Variants in SOX5 observed in about 807,000 individuals in gnomAD.
The protein encoded by SOX5 is transcription factor SOX-5.
Under a neutral mutation model 92.0 loss-of-function variants are expected in SOX5, and 9 were observed. That is an observed-to-expected ratio of 0.10 (90% confidence interval 0.06 to 0.17). The LOEUF (loss-of-function observed/expected upper bound fraction) is 0.17, where lower values mean the gene tolerates loss of function less well. Ranked by LOEUF, SOX5 falls within the 10% of genes least tolerant of loss-of-function variation. The pLI is 1.00. For missense variants in SOX5, 642 were observed against 944.5 expected, an observed-to-expected ratio of 0.68 and a Z score of 4.20; for synonymous variants, 344 against 336.3, an observed-to-expected ratio of 1.02 and a Z score of -0.25.
At chr12:24,161,192 G>T (rs985681875) in intron 4 of SOX5, among the ~76,000 whole-genome samples, 1 of 152,094 alleles carries the variant, frequency 6.6e-6, no homozygotes, top group Non-Finnish European at 1.5e-5. Flanking sequence ...TTTCCAGAGG[G>T]TCTTAAATCT....
At chr12:24,365,821 C>A (rs183833238) in intron 2 of SOX5, among the ~76,000 whole-genome samples, 1 of 151,792 alleles carries the variant, frequency 6.6e-6, no homozygotes, top group Non-Finnish European at 1.5e-5. Flanking sequence ...AAAGTGCTTA[C>A]CTTAAATAAA....
chr12:24,243,607 TC>T (rs1280401813), intron 3 of SOX5, among the ~76,000 whole-genome samples: 1 of 152,204 alleles, frequency 6.6e-6, no homozygotes, highest in Non-Finnish European at 1.5e-5. Flanking sequence ...AGATATAAAG[TC>T]ATTCTAAAAC....
At chr12:24,372,447 T>C (rs1956836155) in intron 1 of SOX5, among the ~76,000 whole-genome samples, 1 of 152,226 alleles carries the variant, frequency 6.6e-6, no homozygotes, top group African/African-American at 2.4e-5. Context: ...TTCATGTCCC[T>C]GCCAAGGACA....
intron 4 of SOX5, among the ~76,000 whole-genome samples, chr12:24,176,533 G>A (rs1026638344): frequency 6.6e-6 from 1 of 152,186 alleles, no homozygotes; most frequent in Non-Finnish European, 1.5e-5. Context: ...ACAGCCTGCT[G>A]TGGTTTAAGA....
chr12:24,390,650 T>A (rs1566051494), intron 1 of SOX5, among the ~76,000 whole-genome samples: 2 of 152,150 alleles, frequency 1.3e-5, no homozygotes. Context: ...TACCTCCCAC[T>A]TATAAATGAG....
chr12:24,287,143 G>A (rs1277689085), intron 2 of SOX5, among the ~76,000 whole-genome samples: 1 of 152,146 alleles, frequency 6.6e-6, no homozygotes, highest in Non-Finnish European at 1.5e-5. Context: ...TTAAAAGCGG[G>A]AAAAGACTGT....
intron 2 of SOX5, among the ~76,000 whole-genome samples, chr12:24,290,531 G>A (rs1946500401): frequency 6.6e-6 from 1 of 152,074 alleles, no homozygotes; most frequent in Non-Finnish European, 1.5e-5. Context: ...TAAGTAACTT[G>A]GCAAAGGCTA....
rs778722716 is a variant in SOX5, at chr12:24,039,289, CTA to C, written c.-1-143267_-1-143266del. 6.1e-4 allele frequency among the ~76,000 whole-genome samples: 93 copies of C among 151,234 alleles called. 1 individual carries two copies. In the Middle Eastern group the frequency reaches 0.024, roughly 39 times the overall value. On this transcript the variant is annotated intron_variant, in intron 4 of 4. Transcript: ENST00000446891. ...TTTTCCTGTGTCTAAGTAAGATTGGCTATGACTAAATAATTTCTCAATTGCTG... is the reference window on the plus strand; with the variant it reads ...TTTTCCTGTGTCTAAGTAAGATTGGCTGACTAAATAATTTCTCAATTGCTG...
At chr12:24,002,267 G>A (rs998067363) in intron 4 of SOX5, among the ~76,000 whole-genome samples, 17 of 151,860 alleles carry the variant, frequency 1.1e-4, no homozygotes, top group Admixed American at 3.9e-4. Context: ...TCAATGAAAC[G>A]TCAGTTGGTT....
At chr12:23,683,315 A>G (rs564291883) in intron 6 of SOX5, among the ~76,000 whole-genome samples, 1 of 151,992 alleles carries the variant, frequency 6.6e-6, no homozygotes, top group South Asian at 2.1e-4. Context: ...ATTCCATTTT[A>G]TATTTTTTAA....
At chr12:24,558,276 G>T (rs1172408096) in intron 1 of SOX5, among the ~76,000 whole-genome samples, 1 of 152,104 alleles carries the variant, frequency 6.6e-6, no homozygotes, top group Non-Finnish European at 1.5e-5. Flanking sequence ...ACTGTCAAGG[G>T]CCCATCCTGA....
chr12:23,656,193 TTTTTTC>T (rs2082283789), intron 7 of SOX5, among the ~76,000 whole-genome samples: 1 of 151,756 alleles, frequency 6.6e-6, no homozygotes, highest in Non-Finnish European at 1.5e-5. Context: ...TTGTATTTTT[TTTTTTC>T]TGATAGAATT....
intron 4 of SOX5, among the ~76,000 whole-genome samples, chr12:24,008,644 A>T (rs1205693129): frequency 6.6e-6 from 1 of 152,210 alleles, no homozygotes; most frequent in Non-Finnish European, 1.5e-5. Context: ...CTTTTGGAAA[A>T]TATATCATTT....
intron 1 of SOX5, among the ~76,000 whole-genome samples, chr12:24,424,453 G>T (rs1935041845): frequency 6.6e-6 from 1 of 151,950 alleles, no homozygotes. Context: ...ATAATTGTTA[G>T]TTTTTATGGC....
chr12:24,214,254 T>C (rs1264627631), intron 3 of SOX5, among the ~76,000 whole-genome samples: 1 of 152,040 alleles, frequency 6.6e-6, no homozygotes, highest in East Asian at 1.9e-4. Context: ...AGAAACACTC[T>C]ATAAGTAGTC....
At position 23,895,774 on chromosome 12, in the gene SOX5, T is replaced by A. The variant is rs748983592; in HGVS notation, c.270+19A>T. 3.2e-6 allele frequency: 5 copies of A among 1,565,880 alleles called. No individual in the cohort carries two copies. In the South Asian group the frequency reaches 5.5e-5, roughly 17 times the overall value. On this transcript the variant is annotated intron_variant, in intron 2 of 14. Coordinates refer to ENST00000451604, the MANE Select transcript of SOX5 (RefSeq NM_006940.6). ...GGTCAAAAAGTGAGTGTAGGCACAATAAACCATGAGAAACCTACCATTGTA... is the reference window on the plus strand; with the variant it reads ...GGTCAAAAAGTGAGTGTAGGCACAAAAAACCATGAGAAACCTACCATTGTA...
At chr12:23,607,300 G>A (rs2075365943) in intron 8 of SOX5, among the ~76,000 whole-genome samples, 1 of 152,058 alleles carries the variant, frequency 6.6e-6, no homozygotes, top group Non-Finnish European at 1.5e-5. Context: ...AATGAACCCC[G>A]TCTTAGAGAA....
At chr12:23,674,502 T>C (rs540441665) in intron 6 of SOX5, among the ~76,000 whole-genome samples, 64 of 151,708 alleles carry the variant, frequency 4.2e-4, no homozygotes, top group African/African-American at 1.5e-3. Context: ...CGCTTCCGGC[T>C]AAGTTTTGTA....
At chr12:24,212,865 T>C (rs1182505662) in intron 4 of SOX5, among the ~76,000 whole-genome samples, 1 of 152,200 alleles carries the variant, frequency 6.6e-6, no homozygotes, top group Non-Finnish European at 1.5e-5. Flanking sequence ...AGATTGACTC[T>C]GAAGAGTGTC....
Sources: allele counts gnomAD v4.1 joint callset (sites outside exome capture counted in the v4.1 genomes callset), GRCh38; gene constraint gnomAD v4.1.1; transcripts MANE v1.5; gene names NCBI Gene and HGNC (gene_info 2026-07-23, HGNC 2026-07-21).